Variants in TK2 observed in about 807,000 individuals in gnomAD.
TK2 encodes the protein thymidine kinase 2.
In TK2, 35 loss-of-function variants were observed where a neutral mutation model predicts 41.9. The observed-to-expected ratio is 0.84, with a 90% CI of 0.64 to 1.11. The LOEUF (loss-of-function observed/expected upper bound fraction) is 1.11. Ranked by LOEUF, TK2 falls within the 50% of genes least tolerant of loss-of-function variation. TK2 has a pLI of 0.00. For synonymous variants in TK2, 128 were observed against 129.1 expected, an observed-to-expected ratio of 0.99 and a Z score of 0.06; for missense variants, 320 against 351.1, an observed-to-expected ratio of 0.91 and a Z score of 0.71.
chr16:66,532,590 G>C (rs1461136510), intron 4 of TK2, among the ~76,000 whole-genome samples: 1 of 151,362 alleles, frequency 6.6e-6, no homozygotes, highest in East Asian at 1.9e-4. Flanking sequence ...GGATGACAGA[G>C]TGAGACCCTG....
chr16:66,545,358 TC>T (rs1965575733), intron 2 of TK2, among the ~76,000 whole-genome samples: 1 of 152,164 alleles, frequency 6.6e-6, no homozygotes, highest in African/African-American at 2.4e-5. Context: ...AATCCAAATA[TC>T]CTGTCTTATC....
chr16:66,528,516 G>A (rs574197756), intron 6 of TK2, among the ~76,000 whole-genome samples: 2 of 152,186 alleles, frequency 1.3e-5, no homozygotes, highest in South Asian at 4.1e-4. Flanking sequence ...TCCACCCTGG[G>A]CTCATGTGAC....
intron 1 of TK2, 69 bp from the exon 2 acceptor site, chr16:66,549,078 A>G (rs1054279563): frequency 1.2e-5 from 19 of 1,603,330 alleles, no homozygotes; most frequent in African/African-American, 2.7e-5. Flanking sequence ...AATTTGCTAC[A>G]TGACCACAAA....
In TK2 at chr16:66,549,142, G is replaced by A. The variant is rs533957435; in HGVS notation, c.125-133C>T. The stretch of plus-strand genomic sequence containing the variant: ...CCTAAAAACATTTTCCATTTTGGGC[G>A]CCCTCCGAGATTGGAGGCGCGCACC... On this transcript the variant is annotated intron_variant, in intron 1 of 9. Transcript: ENST00000544898. 3.3e-6 allele frequency: 5 copies of A among 1,536,062 alleles called. No individual in the cohort carries two copies. The East Asian group carries it at 6.8e-5, about 21-fold the overall frequency.
intron 6 of TK2, among the ~76,000 whole-genome samples, chr16:66,519,029 T>C: frequency 6.6e-6 from 1 of 152,098 alleles, no homozygotes; most frequent in East Asian, 1.9e-4. Context: ...TAGTGTGATC[T>C]TGGCTCACTG....
intron 4 of TK2, among the ~76,000 whole-genome samples, chr16:66,536,645 T>C (rs989084410): frequency 3.9e-5 from 6 of 151,980 alleles, no homozygotes; most frequent in Non-Finnish European, 8.8e-5. Context: ...CGGGTTCTGA[T>C]AGGTTTCTTC....
Position 66,508,287 on chromosome 16 carries a change from C to T in TK2, c.*3681G>A, listed in dbSNP as rs1964351698. On this transcript the variant is annotated 3_prime_UTR_variant, in exon 10 of 10. Transcript: ENST00000544898. ...TGCCAAGTTCACCATCTTATGTAAACTAAAGGAACACGAAATTCACTCTAG... is the reference window on the plus strand; with the variant it reads ...TGCCAAGTTCACCATCTTATGTAAATTAAAGGAACACGAAATTCACTCTAG... 6.6e-6 allele frequency: 1 copy of T among 152,198 alleles called. No homozygotes were observed. 9.4% of individuals were successfully genotyped at this position (152,198 alleles called of 1,614,324 possible).
At position 66,517,696 on chromosome 16, in the gene TK2, C is replaced by T; in HGVS notation, c.538+93G>A. 1 of 1,202,350 alleles carries T rather than the reference C, an allele frequency of 8.3e-7. No individual in the cohort carries two copies. Among genetic ancestry groups the T allele is most frequent in the African/African-American group, 1.5e-5 (1 of 66,892 alleles). 74.5% of individuals were successfully genotyped at this position (1,202,350 alleles called of 1,614,324 possible). ...GGAACTGCCAAGGGCAAGTGCCTCACCCACTGCCCCCAAGGGTTGGGGCCC... is the reference window on the plus strand; with the variant it reads ...GGAACTGCCAAGGGCAAGTGCCTCATCCACTGCCCCCAAGGGTTGGGGCCC... On this transcript the variant is annotated intron_variant, in intron 7 of 9. Coordinates refer to ENST00000544898, the MANE Select transcript of TK2 (RefSeq NM_004614.5). This position sits in a 1 kb window ranked among gnomAD's most constrained non-coding sequence, Gnocchi z 4.3.
intron 4 of TK2, among the ~76,000 whole-genome samples, chr16:66,533,915 G>C (rs1567535118): frequency 6.6e-6 from 1 of 151,072 alleles, no homozygotes; most frequent in East Asian, 2.0e-4. Flanking sequence ...GGCTGAGGCA[G>C]GAGAATGGCG....
intron 4 of TK2, among the ~76,000 whole-genome samples, chr16:66,536,120 C>T (rs558845772): frequency 1.3e-5 from 2 of 151,094 alleles, no homozygotes; most frequent in Non-Finnish European, 2.9e-5. Context: ...AGGAGAATCG[C>T]TTGAACCTGG....
intron 8 of TK2, among the ~76,000 whole-genome samples, chr16:66,516,030 T>TACTAGGC (rs1368205592): frequency 1.3e-5 from 2 of 152,128 alleles, no homozygotes; most frequent in Non-Finnish European, 2.9e-5. Flanking sequence ...ACTGAGCAAC[T>TACTAGGC]ACTAGGCACC....
At position 66,509,631 on chromosome 16, in the gene TK2, T is replaced by A. The variant is rs1964391647; in HGVS notation, c.*2337A>T. On this transcript the variant is annotated 3_prime_UTR_variant, in exon 10 of 10. Transcript: ENST00000544898. ...TGGAACTCCAGTCTCACAGCAAGGATGAGGTGAGCCCAACATATCTGGAAT... is the reference window on the plus strand; with the variant it reads ...TGGAACTCCAGTCTCACAGCAAGGAAGAGGTGAGCCCAACATATCTGGAAT... The A allele has an allele frequency of 6.6e-6, 1 of 152,218 alleles. No homozygotes were observed. Among genetic ancestry groups the A allele is most frequent in the Non-Finnish European group, 1.5e-5 (1 of 68,060 alleles). 9.4% of individuals were successfully genotyped at this position (152,218 alleles called of 1,614,324 possible). A position where few individuals can be genotyped will look rare whatever the true frequency, so the allele number is the denominator to read the frequency against.
intron 2 of TK2, among the ~76,000 whole-genome samples, chr16:66,547,436 C>A (rs1438343349): frequency 6.6e-6 from 1 of 152,122 alleles, no homozygotes; most frequent in African/African-American, 2.4e-5. Flanking sequence ...TGCACCTATC[C>A]CCCAGCCCTC....
intron 4 of TK2, 90 bp downstream of exon 4, chr16:66,536,874 G>A: frequency 2.0e-6 from 3 of 1,476,466 alleles, no homozygotes; most frequent in South Asian, 1.1e-5. Context: ...CGCAGAGAAT[G>A]CCTGGGCAGG....
chr16:66,516,671 T>C (rs1295943043), intron 8 of TK2, among the ~76,000 whole-genome samples: 1 of 152,054 alleles, frequency 6.6e-6, no homozygotes, highest in Non-Finnish European at 1.5e-5. Context: ...ATCTCTCCAG[T>C]GGGCAAACAC....
chr16:66,549,837 G>C (rs1475358674), intron 1 of TK2, 101 bp downstream of exon 1: 2 of 1,283,408 alleles, frequency 1.6e-6, no homozygotes, highest in East Asian at 6.4e-5. Context: ...CCCGCGCCTC[G>C]GAAGAGGCGC....
At chr16:66,532,507 A>T (rs1353655744) in intron 4 of TK2, among the ~76,000 whole-genome samples, 1 of 152,132 alleles carries the variant, frequency 6.6e-6, no homozygotes, top group Non-Finnish European at 1.5e-5. Flanking sequence ...CTAGAGGCTG[A>T]GACATGAGAA....
At position 66,512,117 on chromosome 16, in the gene TK2, C is replaced by A. The variant is rs779350743; in HGVS notation, c.700-51G>T. Reference sequence around the variant, plus strand: ...AGGCTGCACTGACCTCAGCAGCATCCTCCTTTCACAGCTGGAGACAGACAG... The same window carrying A: ...AGGCTGCACTGACCTCAGCAGCATCATCCTTTCACAGCTGGAGACAGACAG... On this transcript the variant is annotated intron_variant, in intron 9 of 9. Transcript: ENST00000544898. The A allele has an allele frequency of 3.4e-6, 5 of 1,491,594 alleles. No homozygotes were observed. The South Asian group carries it at 4.5e-5, about 13-fold the overall frequency. 92.4% of individuals were successfully genotyped at this position (1,491,594 alleles called of 1,614,324 possible). A position where few individuals can be genotyped will look rare whatever the true frequency, so the allele number is the denominator to read the frequency against.
intron 9 of TK2, among the ~76,000 whole-genome samples, chr16:66,512,705 C>A (rs1246662279): frequency 6.6e-6 from 1 of 152,184 alleles, no homozygotes; most frequent in Non-Finnish European, 1.5e-5. Context: ...ATCATTTGAA[C>A]CCAGGAGGCA....
Sources: allele counts gnomAD v4.1 joint callset (sites outside exome capture counted in the v4.1 genomes callset), GRCh38; gene constraint gnomAD v4.1.1; non-coding constraint Gnocchi (gnomAD v3.1); transcripts MANE v1.5; gene names NCBI Gene and HGNC (gene_info 2026-07-23, HGNC 2026-07-21).